The following MYO18B variants were observed in gnomAD, a reference collection of about 807,000 sequenced individuals.
The protein encoded by MYO18B is unconventional myosin-XVIIIb.
MYO18B carries 204 observed loss-of-function variants against 273.0 expected under a neutral mutation model. The observed-to-expected ratio is 0.75, with a 90% CI of 0.67 to 0.84. The LOEUF is 0.84. Among genes scored for constraint, MYO18B ranks in the 40% least tolerant of loss-of-function variants. The pLI is 0.00. For missense variants in MYO18B, 3,212 were observed against 3,287.6 expected, an observed-to-expected ratio of 0.98 and a Z score of 0.56; for synonymous variants, 1,330 against 1,305.7, an observed-to-expected ratio of 1.02 and a Z score of -0.40.
chr22:25,771,207 C>T (rs186798788), intron 6 of MYO18B, among the ~76,000 whole-genome samples: 56 of 152,308 alleles, frequency 3.7e-4, no homozygotes, highest in African/African-American at 1.3e-3. Context: ...CCTGTGGTTT[C>T]CCTTAATGAG....
intron 18 of MYO18B, among the ~76,000 whole-genome samples, chr22:25,845,386 G>A (rs550528918): frequency 1.3e-5 from 2 of 152,258 alleles, no homozygotes; most frequent in African/African-American, 2.4e-5. Context: ...GCCTGGTGGC[G>A]TGTGCCTATA....
Position 25,768,660 on chromosome 22 carries a change from C to A in MYO18B, c.744C>A (p.Pro248=). The part of the protein sequence containing the change: ...QSIVGKGLGT[P]KTTELKEAEP... ...TAGTGGGGAAGGGGCTTGGGACCCC[C>A]AAGACCACAGAGCTGAAAGAGGCTG... Residue 248 remains proline (P), a synonymous_variant, in exon 4 of 44, where the codon CCC becomes CCA. Coordinates refer to ENST00000335473, the MANE Select transcript of MYO18B (RefSeq NM_032608.7). The A allele has an allele frequency of 6.5e-7, 1 of 1,537,424 alleles. No homozygotes were observed. Among genetic ancestry groups the A allele is most frequent in the South Asian group, 1.3e-5 (1 of 76,090 alleles).
At chr22:25,955,009 A>G (rs375211512) in intron 38 of MYO18B, among the ~76,000 whole-genome samples, 170 bp from the exon 39 acceptor site, 78 of 152,252 alleles carry the variant, frequency 5.1e-4, no homozygotes, top group African/African-American at 1.8e-3. Flanking sequence ...GCGCCCGACC[A>G]TCATTTTTTG....
intron 26 of MYO18B, 104 bp from the exon 27 acceptor site, chr22:25,891,200 T>C (rs564958493): frequency 2.3e-6 from 2 of 866,560 alleles, no homozygotes; most frequent in South Asian, 3.3e-5. Context: ...CTCAGGGCTG[T>C]GCAGAGGGTG....
chr22:25,768,110 C>T lies in MYO18B; in HGVS notation c.199-5C>T, dbSNP rs188649054. On this transcript the variant is annotated splice_region_variant and splice_polypyrimidine_tract_variant and intron_variant, in intron 3 of 43. Coordinates refer to ENST00000335473, the MANE Select transcript of MYO18B (RefSeq NM_032608.7). ...ATGTAGGCATGGTTGTGTTCTTTCT[C>T]CCAGATCCCAGAAATTTCCATCAGC... 1 of 1,586,078 alleles carries T rather than the reference C, an allele frequency of 6.3e-7. No homozygotes were observed. The highest frequency in any genetic ancestry group is 8.6e-7 in the Non-Finnish European group (1 of 1,165,516).
rs202078758 is a variant in MYO18B at position 25,781,742 on chromosome 22, T to G, written c.2220T>G (p.Leu740=). ...CTCTTCTCTCCCTGCAGACAATGCT[T>G]TTGGAGAAGAGCCGCGTGGCACGGC... The part of the protein sequence containing the change: ...RITAAQLQTM[L]LEKSRVARQP... Residue 740 remains leucine (L), a synonymous_variant, in exon 10 of 44, where the codon CTT becomes CTG. Coordinates refer to ENST00000335473, the MANE Select transcript of MYO18B (RefSeq NM_032608.7). 147 of 1,565,182 alleles carry G rather than the reference T, an allele frequency of 9.4e-5. 3 individuals carry two copies. In the South Asian group the frequency reaches 1.2e-3, roughly 12 times the overall value.
chr22:25,768,852 A>G lies in MYO18B; in HGVS notation c.936A>G (p.Gln312=), dbSNP rs76453531. ...VGSEGKHVRP[Q]IPGRKWGGFL... ...GTGAAGGGAAGCACGTAAGGCCCCAAATCCCTGGGAGAAAGTGGGGAGGTT... is the reference window on the plus strand; with the variant it reads ...GTGAAGGGAAGCACGTAAGGCCCCAGATCCCTGGGAGAAAGTGGGGAGGTT... Residue 312 remains glutamine (Q), a synonymous_variant, in exon 4 of 44, where the codon CAA becomes CAG. Transcript: ENST00000335473. 2.3e-3 allele frequency: 3,787 copies of G among 1,612,862 alleles called. 34 individuals carry two copies. Among genetic ancestry groups the G allele is most frequent in the South Asian group, 0.013 (1,209 of 90,674 alleles).
At chr22:25,961,965 A>G (rs1022834462) in intron 39 of MYO18B, among the ~76,000 whole-genome samples, 1 of 152,100 alleles carries the variant, frequency 6.6e-6, no homozygotes, top group Non-Finnish European at 1.5e-5. Context: ...CTCTGCACAT[A>G]TCAGCTCCCC....
intron 38 of MYO18B, among the ~76,000 whole-genome samples, chr22:25,953,928 A>G (rs892914415): frequency 6.6e-6 from 1 of 152,154 alleles, no homozygotes; most frequent in African/African-American, 2.4e-5. Flanking sequence ...TGTTCTTGGA[A>G]TTGTGGCTGA....
chr22:25,953,620 G>A (rs1015660099), intron 38 of MYO18B: 13 of 152,084 alleles, frequency 8.5e-5, no homozygotes, highest in African/African-American at 3.1e-4. Context: ...GATCCCTCAA[G>A]GTCTGACTGT....
At chr22:25,783,194 C>G (rs2087236081) in intron 10 of MYO18B, among the ~76,000 whole-genome samples, 2 of 152,322 alleles carry the variant, frequency 1.3e-5, no homozygotes, top group South Asian at 4.1e-4. Context: ...TGACCAGGCC[C>G]TGACCAGGTC....
intron 34 of MYO18B, among the ~76,000 whole-genome samples, chr22:25,944,749 A>G (rs1260873634): frequency 6.6e-6 from 1 of 150,792 alleles, no homozygotes; most frequent in Non-Finnish European, 1.5e-5. Flanking sequence ...CCAGAGGCTG[A>G]GGCAGGAGAA....
downstream of MYO18B, among the ~76,000 whole-genome samples, chr22:26,033,744 C>G (rs548085692): frequency 1.3e-5 from 2 of 151,908 alleles, no homozygotes; most frequent in Admixed American, 1.3e-4. Flanking sequence ...TTCTCTCTTT[C>G]TCTCTCTCCC....
the MYO18B span, among the ~76,000 whole-genome samples, chr22:26,058,828 G>A: frequency 3.2e-3 from 485 of 152,284 alleles, 1 homozygote; most frequent in Non-Finnish European, 5.8e-3. Flanking sequence ...TGTACAGCCT[G>A]CAGAACCATG....
intron 33 of MYO18B, among the ~76,000 whole-genome samples, chr22:25,912,566 T>G (rs565316294): frequency 2.6e-5 from 4 of 152,234 alleles, no homozygotes; most frequent in Admixed American, 1.3e-4. Flanking sequence ...TTTTGATGAT[T>G]TTAAATGTTT....
chr22:25,878,290 T>G (rs950205600), intron 25 of MYO18B, among the ~76,000 whole-genome samples: 11 of 152,288 alleles, frequency 7.2e-5, no homozygotes, highest in African/African-American at 2.6e-4. Context: ...TTCAAACCCA[T>G]GTCACCTGGT....
chr22:25,902,787 G>C, intron 30 of MYO18B, 51 bp downstream of exon 30: 85 of 1,539,520 alleles, frequency 5.5e-5, no homozygotes, highest in Non-Finnish European at 7.0e-5. Context: ...GCTAAATCTC[G>C]GGAAACTGCA....
intron 27 of MYO18B, chr22:25,892,629 GA>G (rs1409552332): frequency 6.6e-6 from 1 of 152,214 alleles, no homozygotes; most frequent in Non-Finnish European, 1.5e-5. Context: ...CAGGGGAATG[GA>G]GATCAGGGGT....
At chr22:25,785,964 T>C (rs775782805) in intron 11 of MYO18B, among the ~76,000 whole-genome samples, 9 of 152,094 alleles carry the variant, frequency 5.9e-5, no homozygotes, top group Non-Finnish European at 1.5e-5. Flanking sequence ...GTGGTTAACT[T>C]GGGTAGGGGC....
Sources: gnomAD v4.1 joint callset for allele counts (sites outside exome capture counted in the v4.1 genomes callset) on GRCh38, gnomAD v4.1.1 for gene constraint, MANE v1.5 for transcripts, NCBI Gene and HGNC (gene_info 2026-07-23, HGNC 2026-07-21) for gene names.